Variants in TMEM132D observed in about 807,000 individuals in gnomAD.
The protein encoded by TMEM132D is transmembrane protein 132D.
TMEM132D carries 21 observed loss-of-function variants against 62.3 expected under a neutral mutation model. The ratio of observed to expected loss-of-function variants is 0.34; its 90% CI spans 0.24 to 0.49. TMEM132D has a LOEUF of 0.49. TMEM132D is among the 20% of genes least tolerant of loss of function. The pLI is 0.99. For synonymous variants in TMEM132D, 621 were observed against 575.6 expected, an observed-to-expected ratio of 1.08 and a Z score of -1.13; for missense variants, 1,346 against 1,402.8, an observed-to-expected ratio of 0.96 and a Z score of 0.65.
chr12:129,136,647 C>CATCATCA (rs1876567897), intron 5 of TMEM132D, among the ~76,000 whole-genome samples: 2 of 151,230 alleles, frequency 1.3e-5, no homozygotes, highest in Admixed American at 1.3e-4. Flanking sequence ...TCACAATCAC[C>CATCATCA]ATCATCATCA....
chr12:129,530,627 T>C (rs1047321967), intron 3 of TMEM132D, among the ~76,000 whole-genome samples: 1 of 152,214 alleles, frequency 6.6e-6, no homozygotes, highest in African/African-American at 2.4e-5. Context: ...ATCATATGCA[T>C]TGTATTTAAA....
intron 8 of TMEM132D, among the ~76,000 whole-genome samples, chr12:129,077,885 AC>A (rs1474427503): frequency 5.9e-5 from 9 of 152,132 alleles, no homozygotes; most frequent in Middle Eastern, 6.8e-3. Context: ...ACACAGACAC[AC>A]AAAAACAACA....
intron 4 of TMEM132D, among the ~76,000 whole-genome samples, chr12:129,337,180 T>A (rs540186259): frequency 2.0e-5 from 3 of 152,134 alleles, no homozygotes; most frequent in African/African-American, 7.2e-5. Context: ...TATTTTCTAA[T>A]TGGTGGTCTG....
At chr12:129,134,818 T>C (rs1035540890) in intron 5 of TMEM132D, among the ~76,000 whole-genome samples, 2 of 152,126 alleles carry the variant, frequency 1.3e-5, no homozygotes, top group Admixed American at 6.6e-5. Context: ...CTTCTTCTCC[T>C]AAAATAGATC....
intron 1 of TMEM132D, among the ~76,000 whole-genome samples, chr12:129,757,299 A>C (rs566904692): frequency 6.6e-6 from 1 of 152,324 alleles, no homozygotes; most frequent in Admixed American, 6.5e-5. Context: ...CTGCTATTAA[A>C]GAATAACCCA....
intron 2 of TMEM132D, among the ~76,000 whole-genome samples, chr12:129,674,535 T>A (rs536675372): frequency 6.6e-5 from 10 of 152,280 alleles, no homozygotes; most frequent in African/African-American, 2.2e-4. Flanking sequence ...ATATGTTTTA[T>A]GTTTTCTGTT....
At chr12:129,714,160 T>C (rs1593131604) in intron 1 of TMEM132D, among the ~76,000 whole-genome samples, 1 of 152,246 alleles carries the variant, frequency 6.6e-6, no homozygotes, top group African/African-American at 2.4e-5. Context: ...GCACCTGGAG[T>C]GCCCATCCCC....
intron 2 of TMEM132D, among the ~76,000 whole-genome samples, chr12:129,665,844 T>C (rs1880363815): frequency 6.6e-6 from 1 of 152,218 alleles, no homozygotes; most frequent in African/African-American, 2.4e-5. Context: ...TCATGATCTG[T>C]TTTAGCTATT....
At chr12:129,646,800 AT>A (rs35593697) in intron 2 of TMEM132D, among the ~76,000 whole-genome samples, 80,375 of 135,558 alleles carry the variant, frequency 0.59, 23,518 homozygotes, top group South Asian at 0.75. Flanking sequence ...AATAACATGC[AT>A]TTTTTTTTTT....
intron 3 of TMEM132D, among the ~76,000 whole-genome samples, chr12:129,360,178 C>T (rs907901630): frequency 3.3e-5 from 5 of 152,186 alleles, no homozygotes; most frequent in African/African-American, 9.6e-5. Flanking sequence ...CAGGAAACCC[C>T]GGTGATGATG....
At chr12:129,457,968 C>G (rs1873533028) in intron 3 of TMEM132D, among the ~76,000 whole-genome samples, 1 of 152,180 alleles carries the variant, frequency 6.6e-6, no homozygotes, top group Non-Finnish European at 1.5e-5. Context: ...GGTGCATTGC[C>G]TGATCTTGGA....
At position 129,511,881 on chromosome 12, in the gene TMEM132D, T is replaced by C. The variant is rs1375740758; in HGVS notation, c.1115+19178A>G. ...AGAAGACATTTTATACCTTAATGTT[T>C]CAGATGAGGAAAATAAGACTCAGAA... On this transcript the variant is annotated intron_variant, in intron 3 of 8. Transcript: ENST00000422113. Among the ~76,000 whole-genome samples the C allele has an allele frequency of 2.0e-5, 3 of 152,192 alleles. 1 individual carries two copies. The highest frequency in any genetic ancestry group is 7.2e-5 in the African/African-American group (3 of 41,454).
chr12:129,492,480 T>G (rs749693927), intron 3 of TMEM132D, among the ~76,000 whole-genome samples: 10 of 152,176 alleles, frequency 6.6e-5, no homozygotes, highest in Non-Finnish European at 5.9e-5. Flanking sequence ...AGCATGACAA[T>G]TGGTGCACAA....
intron 1 of TMEM132D, among the ~76,000 whole-genome samples, chr12:129,820,396 G>A (rs907979530): frequency 3.9e-5 from 6 of 152,144 alleles, no homozygotes; most frequent in South Asian, 2.1e-4. Flanking sequence ...GTGGTTATTC[G>A]AGTCTGGCAG....
At position 129,903,936 on chromosome 12, in the gene TMEM132D, C is replaced by T. The variant is rs983767325; in HGVS notation, c.-597G>A. On this transcript the variant is annotated 5_prime_UTR_variant, in exon 1 of 9. Transcript: ENST00000422113. This position sits in a 1 kb window ranked among gnomAD's most constrained non-coding sequence, Gnocchi z 6.2. ...GCGCGCTCCGGCACCCAAAGTTTGG[C>T]GGGTGCGGCTGCTCCCCGGCCGCCG... 2.7e-5 allele frequency among the ~76,000 whole-genome samples: 4 copies of T among 147,928 alleles called. No individual in the cohort carries two copies. Among genetic ancestry groups the T allele is most frequent in the African/African-American group, 9.7e-5 (4 of 41,034 alleles).
At chr12:129,245,383 T>C (rs1359020163) in intron 4 of TMEM132D, among the ~76,000 whole-genome samples, 1 of 152,236 alleles carries the variant, frequency 6.6e-6, no homozygotes, top group Non-Finnish European at 1.5e-5. Context: ...TTTTTATGGC[T>C]CGATAGCTCA....
At chr12:129,875,115 G>T (rs1384252049) in intron 1 of TMEM132D, among the ~76,000 whole-genome samples, 1 of 152,258 alleles carries the variant, frequency 6.6e-6, no homozygotes, top group East Asian at 1.9e-4. Context: ...TGTTGCCTGG[G>T]TGCTTTTGCA....
At chr12:129,171,918 A>G (rs1364032575) in intron 5 of TMEM132D, among the ~76,000 whole-genome samples, 1 of 152,316 alleles carries the variant, frequency 6.6e-6, no homozygotes, top group African/African-American at 2.4e-5. Context: ...ACTGGCTTCA[A>G]TAAAGTTACT....
At chr12:129,491,939 C>T (rs1593036023) in intron 3 of TMEM132D, among the ~76,000 whole-genome samples, 1 of 86,218 alleles carries the variant, frequency 1.2e-5, no homozygotes, top group East Asian at 6.9e-4. Context: ...GAGATTCTGT[C>T]TCAAAAAAAA....
Sources: gnomAD v4.1 joint callset for allele counts (sites outside exome capture counted in the v4.1 genomes callset) on GRCh38, gnomAD v4.1.1 for gene constraint, Gnocchi (gnomAD v3.1) non-coding constraint, MANE v1.5 for transcripts, NCBI Gene and HGNC (gene_info 2026-07-23, HGNC 2026-07-21) for gene names.